DLG2: variants seen among roughly 807,000 people sequenced by gnomAD.
The protein encoded by DLG2 is discs large MAGUK scaffold protein 2, also known as disks large homolog 2.
In DLG2, 45 loss-of-function variants were observed where a neutral mutation model predicts 132.5. The ratio of observed to expected loss-of-function variants is 0.34; its 90% CI spans 0.27 to 0.44. The LOEUF is 0.44. Among genes scored for constraint, DLG2 ranks in the 20% least tolerant of loss-of-function variants. The pLI is 1.00. For missense variants in DLG2, 1,045 were observed against 1,196.9 expected (o/e 0.87, Z 1.87); for synonymous variants, 424 against 419.6 (o/e 1.01, Z -0.13).
chr11:83,844,623 C>A (rs1346450757), intron 16 of DLG2, among the ~76,000 whole-genome samples: 3 of 148,598 alleles, frequency 2.0e-5, no homozygotes, highest in Non-Finnish European at 4.5e-5. Flanking sequence ...GTTACACTTG[C>A]AAACAGAATT....
chr11:85,224,636 G>T (rs961837889), intron 4 of DLG2, among the ~76,000 whole-genome samples: 1 of 152,058 alleles, frequency 6.6e-6, no homozygotes, highest in African/African-American at 2.4e-5. Context: ...ATTATCTATG[G>T]TTGATAGGGT....
At chr11:85,333,095 T>C (rs11827614) in intron 3 of DLG2, among the ~76,000 whole-genome samples, 42 of 152,336 alleles carry the variant, frequency 2.8e-4, no homozygotes, top group African/African-American at 9.4e-4. Flanking sequence ...GGAATAATTT[T>C]CCATTTGTTT....
At chr11:85,583,416 G>A (rs549846774) in intron 3 of DLG2, among the ~76,000 whole-genome samples, 1 of 150,374 alleles carries the variant, frequency 6.7e-6, no homozygotes, top group African/African-American at 2.4e-5. Context: ...TAAACTCCTG[G>A]CCTCAAGTGA....
At chr11:83,786,595 T>G in intron 18 of DLG2, 95 bp downstream of exon 18, 1 of 1,123,216 alleles carries the variant, frequency 8.9e-7, no homozygotes, top group East Asian at 2.5e-5. Flanking sequence ...AAAACACCAA[T>G]GATGGTGACT....
chr11:84,946,929 G>A (rs190859856), intron 6 of DLG2, among the ~76,000 whole-genome samples: 62 of 152,292 alleles, frequency 4.1e-4, no homozygotes, highest in African/African-American at 1.5e-3. Context: ...GCTAGGGCTG[G>A]TCTAAATTCT....
intron 9 of DLG2, among the ~76,000 whole-genome samples, chr11:84,141,952 T>C (rs2094867703): frequency 6.6e-6 from 1 of 152,098 alleles, no homozygotes; most frequent in African/African-American, 2.4e-5. Flanking sequence ...TTTTTGTTGG[T>C]TATTTTTGCT....
At chr11:84,576,915 C>G (rs1007518756) in intron 6 of DLG2, among the ~76,000 whole-genome samples, 11 of 152,072 alleles carry the variant, frequency 7.2e-5, no homozygotes, top group African/African-American at 2.7e-4. Context: ...TTGGCTGTGT[C>G]TCCATCCAAA....
chr11:85,086,792 A>G (rs2067987788), intron 6 of DLG2, among the ~76,000 whole-genome samples: 1 of 152,228 alleles, frequency 6.6e-6, no homozygotes, highest in Non-Finnish European at 1.5e-5. Context: ...TTAATTGACT[A>G]CGGCATATCA....
intron 3 of DLG2, among the ~76,000 whole-genome samples, chr11:85,397,784 A>G (rs1446864009): frequency 6.6e-6 from 1 of 152,060 alleles, no homozygotes; most frequent in East Asian, 1.9e-4. Context: ...AAAGCAAGTC[A>G]TCAGAGACCT....
At chr11:84,955,845 G>A (rs2051588624) in intron 6 of DLG2, 1 of 152,086 alleles carries the variant, frequency 6.6e-6, no homozygotes, top group African/African-American at 2.4e-5. Flanking sequence ...CTTACAAATG[G>A]GTACATTATA....
Position 84,247,077 on chromosome 11 carries a change from T to C in DLG2, c.573+4161A>G, listed in dbSNP as rs1598315310. ...AAGTATACCTCTCTCAACAGTGCAT[T>C]TCTATCAAAGAGGTCAGAATATTAC... is the stretch of plus-strand genomic sequence containing the variant. On this transcript the variant is annotated intron_variant, in intron 8 of 27. Transcript: ENST00000376104. 2.0e-5 allele frequency among the ~76,000 whole-genome samples: 3 copies of C among 152,268 alleles called. No homozygotes were observed. In the East Asian group the frequency reaches 5.8e-4, roughly 29 times the overall value.
intron 19 of DLG2, among the ~76,000 whole-genome samples, chr11:83,553,868 A>C (rs1364428019): frequency 6.7e-6 from 1 of 148,216 alleles, no homozygotes; most frequent in East Asian, 2.0e-4. Context: ...TTAGTATTTT[A>C]TTCCAATAGC....
chr11:85,070,213 T>G (rs1475108416), intron 6 of DLG2, among the ~76,000 whole-genome samples: 1 of 151,720 alleles, frequency 6.6e-6, no homozygotes, highest in African/African-American at 2.4e-5. Flanking sequence ...AATGACGAGT[T>G]AATGGGTGCA....
At chr11:84,870,755 T>C (rs1342149064) in intron 6 of DLG2, among the ~76,000 whole-genome samples, 1 of 152,190 alleles carries the variant, frequency 6.6e-6, no homozygotes, top group Non-Finnish European at 1.5e-5. Context: ...ACCCTTCCTA[T>C]TTGTAGTGTG....
At chr11:84,603,106 T>C (rs538308582) in intron 6 of DLG2, among the ~76,000 whole-genome samples, 2 of 152,076 alleles carry the variant, frequency 1.3e-5, no homozygotes, top group South Asian at 4.1e-4. Flanking sequence ...AGCATCTTCT[T>C]TTAGTCTTCT....
chr11:84,505,891 TA>T (rs2099238002), intron 7 of DLG2, among the ~76,000 whole-genome samples: 2 of 152,162 alleles, frequency 1.3e-5, no homozygotes, highest in Middle Eastern at 3.4e-3. Context: ...TTCTGGGTTG[TA>T]GTAGGCCGAA....
intron 8 of DLG2, among the ~76,000 whole-genome samples, chr11:84,226,533 G>A (rs749287803): frequency 6.6e-6 from 1 of 152,062 alleles, no homozygotes; most frequent in Non-Finnish European, 1.5e-5. Context: ...GGTCAGTGGA[G>A]GATCAAATAA....
At chr11:83,615,936 C>T (rs489567) in intron 19 of DLG2, among the ~76,000 whole-genome samples, 102,232 of 152,124 alleles carry the variant, frequency 0.67, 34,879 homozygotes, top group African/African-American at 0.79. Context: ...ATGATAATTA[C>T]GTTTTTTTAA....
chr11:84,280,351 C>G (rs913319100), intron 7 of DLG2, among the ~76,000 whole-genome samples: 1 of 151,878 alleles, frequency 6.6e-6, no homozygotes, highest in Non-Finnish European at 1.5e-5. Context: ...CCCAAGCAAC[C>G]CCTGTATCCC....
Sources: gnomAD v4.1 joint callset for allele counts (sites outside exome capture counted in the v4.1 genomes callset) on GRCh38, gnomAD v4.1.1 for gene constraint, MANE v1.5 for transcripts, NCBI Gene and HGNC (gene_info 2026-07-23, HGNC 2026-07-21) for gene names.